The following GPD1L variants were observed in gnomAD, a reference collection of about 807,000 sequenced individuals.
GPD1L encodes the protein glycerol-3-phosphate dehydrogenase 1-like protein.
In GPD1L, 17 loss-of-function variants were observed where a neutral mutation model predicts 32.9. That is an observed-to-expected ratio of 0.52 (90% CI 0.35 to 0.78). GPD1L has a LOEUF of 0.78. Ranked by LOEUF, GPD1L falls within the 30% of genes least tolerant of loss-of-function variation. The pLI is 0.01. For missense variants in GPD1L, 361 were observed against 447.8 expected (o/e 0.81, Z 1.75); for synonymous variants, 187 against 165.9 (o/e 1.13, Z -0.98).
intron 1 of GPD1L, among the ~76,000 whole-genome samples, chr3:32,110,249 A>AC (rs1700227332): frequency 6.6e-6 from 1 of 152,228 alleles, no homozygotes; most frequent in Non-Finnish European, 1.5e-5. Context: ...TGGTCCCAAG[A>AC]CCACTTGTGT....
chr3:32,150,795 G>C (rs1700908018), intron 5 of GPD1L, among the ~76,000 whole-genome samples: 1 of 152,138 alleles, frequency 6.6e-6, no homozygotes, highest in Non-Finnish European at 1.5e-5. Flanking sequence ...TTAAAAAAGT[G>C]AAACTCATCA....
intron 5 of GPD1L, among the ~76,000 whole-genome samples, chr3:32,149,890 A>G (rs557955397): frequency 2.0e-5 from 3 of 151,760 alleles, no homozygotes; most frequent in Admixed American, 2.0e-4. Flanking sequence ...CAGAGGCTGC[A>G]GTGAGCCAAG....
In GPD1L at chr3:32,159,693, C is replaced by A. The variant is rs766539575; in HGVS notation, c.959+19C>A. On this transcript the variant is annotated intron_variant, in intron 7 of 7. Transcript: ENST00000282541. ...TGGACAAGTAAGTCTCTCAGTCGCC[C>A]ATGAGACCAGATAAATGTCCATCAT... 2 of 1,365,432 alleles carry A rather than the reference C, an allele frequency of 1.5e-6. No homozygotes were observed. The highest frequency in any genetic ancestry group is 1.2e-5 in the South Asian group (1 of 86,092). The allele number at this position is 1,365,432 out of a possible 1,614,324, so 84.6% of individuals were successfully genotyped here.
chr3:32,151,205 T>A (rs570006782), intron 5 of GPD1L: 6 of 596,766 alleles, frequency 1.0e-5, no homozygotes, highest in South Asian at 7.8e-5. Context: ...TACCTTTCTC[T>A]TTGGCTTCCT....
At chr3:32,142,949 C>T (rs900273306) in intron 4 of GPD1L, among the ~76,000 whole-genome samples, 2 of 151,858 alleles carry the variant, frequency 1.3e-5, no homozygotes, top group Non-Finnish European at 1.5e-5. Context: ...AGGCTAAAGC[C>T]GAGGATCTTC....
intron 5 of GPD1L, 44 bp from the exon 6 acceptor site, chr3:32,158,832 G>A: frequency 6.2e-7 from 1 of 1,600,640 alleles, no homozygotes; most frequent in African/African-American, 1.3e-5. Context: ...CATACCCGTG[G>A]TGGGTGCTGT....
rs116638101 is a variant in GPD1L, at chr3:32,167,561, A to C, written c.*1651A>C. 6.5e-6 allele frequency: 1 copy of C among 152,786 alleles called. No individual in the cohort carries two copies. Among genetic ancestry groups the C allele is most frequent in the Non-Finnish European group, 1.5e-5 (1 of 68,028 alleles). The allele number at this position is 152,786 out of a possible 1,614,324, so 9.5% of individuals were successfully genotyped here. A position where few individuals can be genotyped will look rare whatever the true frequency, so the allele number is the denominator to read the frequency against. On this transcript the variant is annotated 3_prime_UTR_variant, in exon 8 of 8. Transcript: ENST00000282541. ...GCTGAAACGCACATTACCTGGAATAAGTGCTTTAATTGTAGAATTAGAATG... is the reference window on the plus strand; with the variant it reads ...GCTGAAACGCACATTACCTGGAATACGTGCTTTAATTGTAGAATTAGAATG...
At chr3:32,144,136 G>A (rs1014823132) in intron 4 of GPD1L, among the ~76,000 whole-genome samples, 6 of 152,192 alleles carry the variant, frequency 3.9e-5, no homozygotes, top group Admixed American at 3.9e-4. Context: ...TACATTTTCT[G>A]TATTTGATCA....
intron 7 of GPD1L, among the ~76,000 whole-genome samples, chr3:32,164,643 G>A (rs929260222): frequency 6.6e-6 from 1 of 152,150 alleles, no homozygotes; most frequent in African/African-American, 2.4e-5. Flanking sequence ...GAGTTAGTAG[G>A]CTGTAGAGTC....
chr3:32,152,719 A>G (rs531315075), intron 5 of GPD1L, among the ~76,000 whole-genome samples: 3 of 152,162 alleles, frequency 2.0e-5, no homozygotes, highest in Non-Finnish European at 4.4e-5. Context: ...GGAGAGGACA[A>G]ACACTGAATG....
chr3:32,160,673 C>G (rs962471043), intron 7 of GPD1L, among the ~76,000 whole-genome samples: 6 of 151,918 alleles, frequency 3.9e-5, no homozygotes, highest in Non-Finnish European at 8.8e-5. Flanking sequence ...GTGGGTGCAT[C>G]CATCCTCCAT....
In GPD1L at chr3:32,121,783, T is replaced by A. The variant is rs190909039; in HGVS notation, c.48-6293T>A. Among the ~76,000 whole-genome samples the A allele has an allele frequency of 1.3e-3, 183 of 141,768 alleles. 1 individual carries two copies. The highest frequency in any genetic ancestry group is 4.2e-3 in the African/African-American group (156 of 36,954). The allele number at this position is 141,768 out of a possible 152,430, so 93.0% of individuals were successfully genotyped here. On this transcript the variant is annotated intron_variant, in intron 1 of 7. Coordinates refer to ENST00000282541, the MANE Select transcript of GPD1L (RefSeq NM_015141.4). ...TATATATTTCTATATATATATATAT[T>A]TTTTTTAGGCAGAGTTTTGCTCTTT... is the stretch of plus-strand genomic sequence containing the variant.
chr3:32,115,652 G>T (rs554502408), intron 1 of GPD1L, among the ~76,000 whole-genome samples: 139 of 151,940 alleles, frequency 9.1e-4, no homozygotes, highest in Middle Eastern at 3.4e-3. Flanking sequence ...CCTAACACTG[G>T]CCATCTGGAC....
intron 1 of GPD1L, among the ~76,000 whole-genome samples, chr3:32,121,550 T>C (rs1700414431): frequency 7.2e-6 from 1 of 139,336 alleles, no homozygotes; most frequent in African/African-American, 2.7e-5. Flanking sequence ...TATATTTCTA[T>C]ATATATATTT....
chr3:32,164,017 G>T (rs1299435578), intron 7 of GPD1L, among the ~76,000 whole-genome samples: 1 of 152,226 alleles, frequency 6.6e-6, no homozygotes, highest in African/African-American at 2.4e-5. Context: ...AACAAGAGTA[G>T]TCTGGGGTAA....
chr3:32,146,835 C>A, intron 5 of GPD1L, 101 bp downstream of exon 5: 1 of 785,954 alleles, frequency 1.3e-6, no homozygotes, highest in South Asian at 1.3e-5. Flanking sequence ...GCACCCACAT[C>A]AGCGAAGAAT....
chr3:32,112,991 C>T (rs181922666), intron 1 of GPD1L, among the ~76,000 whole-genome samples: 4 of 152,212 alleles, frequency 2.6e-5, no homozygotes, highest in Non-Finnish European at 4.4e-5. Context: ...TAAATTCTTA[C>T]CATTTTCAGT....
chr3:32,129,713 G>A (rs938557075), intron 2 of GPD1L, among the ~76,000 whole-genome samples: 1 of 152,166 alleles, frequency 6.6e-6, no homozygotes, highest in Non-Finnish European at 1.5e-5. Flanking sequence ...GGTGTAGTTG[G>A]TGGGGGAAGA....
chr3:32,152,611 C>T (rs1420467818), intron 5 of GPD1L, among the ~76,000 whole-genome samples: 2 of 152,122 alleles, frequency 1.3e-5, no homozygotes, highest in Non-Finnish European at 2.9e-5. Context: ...AAGCCTCAGT[C>T]CATTCATGAA....
Sources: allele counts gnomAD v4.1 joint callset (sites outside exome capture counted in the v4.1 genomes callset), GRCh38; gene constraint gnomAD v4.1.1; transcripts MANE v1.5; gene names NCBI Gene and HGNC (gene_info 2026-07-23, HGNC 2026-07-21).